ZNF475: variants seen among roughly 807,000 people sequenced by gnomAD.
ZNF475 encodes the protein zinc finger protein 475.
chr5:122,166,666 A>G, the ZNF475 span, among the ~76,000 whole-genome samples: 1 of 152,140 alleles, frequency 6.6e-6, no homozygotes, highest in African/African-American at 2.4e-5. Context: ...AAGGATATGA[A>G]CTCATACTTT....
chr5:122,166,193 G>A, the ZNF475 span, among the ~76,000 whole-genome samples: 4 of 152,162 alleles, frequency 2.6e-5, no homozygotes, highest in African/African-American at 9.7e-5. Flanking sequence ...GTGACACAAG[G>A]GGAGCCTTTC....
the ZNF475 span, chr5:122,162,847 T>C: frequency 4.6e-5 from 7 of 152,136 alleles, no homozygotes; most frequent in South Asian, 8.3e-4. Flanking sequence ...ACTTTTGAGG[T>C]AGTTGGGAGA....
At chr5:122,161,047 G>A in the ZNF475 span, among the ~76,000 whole-genome samples, 20 of 152,306 alleles carry the variant, frequency 1.3e-4, no homozygotes, top group East Asian at 2.9e-3. Flanking sequence ...TCAATGTGAG[G>A]CATAAGTTCA....
chr5:122,169,883 G>A, the ZNF475 span, among the ~76,000 whole-genome samples: 1 of 152,172 alleles, frequency 6.6e-6, no homozygotes, highest in East Asian at 1.9e-4. Context: ...TCAGGTGTGG[G>A]AAACAGCCTA....
At chr5:122,161,408 G>A in the ZNF475 span, among the ~76,000 whole-genome samples, 2 of 152,226 alleles carry the variant, frequency 1.3e-5, no homozygotes, top group Admixed American at 6.5e-5. Context: ...AGTAATTGGA[G>A]GCAGAGAGTA....
At chr5:122,175,769 C>T in the ZNF475 span, among the ~76,000 whole-genome samples, 5 of 152,266 alleles carry the variant, frequency 3.3e-5, no homozygotes, top group Non-Finnish European at 4.4e-5. Flanking sequence ...CTACTGCCTC[C>T]TCTGTAATTT....
chr5:122,164,457 G>A, the ZNF475 span, among the ~76,000 whole-genome samples: 2 of 152,190 alleles, frequency 1.3e-5, no homozygotes, highest in Non-Finnish European at 2.9e-5. Context: ...GGGTAGACCA[G>A]GTGAGATGCT....
the ZNF475 span, among the ~76,000 whole-genome samples, chr5:122,175,109 A>C: frequency 1.3e-5 from 2 of 152,216 alleles, no homozygotes; most frequent in African/African-American, 4.8e-5. Flanking sequence ...AATAGAAAAA[A>C]ATTCCACTTC....
At chr5:122,177,155 C>T in the ZNF475 span, among the ~76,000 whole-genome samples, 1 of 152,168 alleles carries the variant, frequency 6.6e-6, no homozygotes, top group Non-Finnish European at 1.5e-5. Flanking sequence ...TATATGGAAT[C>T]AACCTTGGTG....
the ZNF475 span, among the ~76,000 whole-genome samples, chr5:122,175,997 C>A: frequency 5.6e-4 from 85 of 152,238 alleles, no homozygotes; most frequent in East Asian, 0.014. Context: ...TGGAACTAAC[C>A]TCTCAAAAGT....
At chr5:122,174,707 G>C in the ZNF475 span, among the ~76,000 whole-genome samples, 1 of 152,112 alleles carries the variant, frequency 6.6e-6, no homozygotes, top group Admixed American at 6.5e-5. Context: ...ACGGTGACAC[G>C]AATGTCTTCA....
the ZNF475 span, among the ~76,000 whole-genome samples, chr5:122,165,405 A>G: frequency 1.3e-5 from 2 of 152,196 alleles, no homozygotes; most frequent in Non-Finnish European, 2.9e-5. Flanking sequence ...ATATATGGTC[A>G]GTTCTAGGCC....
chr5:122,172,605 T>C, the ZNF475 span, among the ~76,000 whole-genome samples: 1 of 152,222 alleles, frequency 6.6e-6, no homozygotes, highest in African/African-American at 2.4e-5. Context: ...TCCATAAACA[T>C]TTCTTACCAA....
At chr5:122,176,374 C>T in the ZNF475 span, among the ~76,000 whole-genome samples, 1 of 152,006 alleles carries the variant, frequency 6.6e-6, no homozygotes, top group Non-Finnish European at 1.5e-5. Flanking sequence ...TTTGGCTGGA[C>T]TTATTTATTT....
chr5:122,166,457 T>A, the ZNF475 span, among the ~76,000 whole-genome samples: 1 of 152,166 alleles, frequency 6.6e-6, no homozygotes, highest in Non-Finnish European at 1.5e-5. Flanking sequence ...TAACTCGTCA[T>A]TTATATTAGG....
the ZNF475 span, among the ~76,000 whole-genome samples, chr5:122,176,868 T>G: frequency 6.6e-6 from 1 of 152,230 alleles, no homozygotes; most frequent in South Asian, 2.1e-4. Context: ...CTATTCAATT[T>G]GTTCTCATTG....
At chr5:122,168,855 C>G in the ZNF475 span, among the ~76,000 whole-genome samples, 2 of 151,052 alleles carry the variant, frequency 1.3e-5, no homozygotes, top group African/African-American at 4.9e-5. Flanking sequence ...AGCATAACAC[C>G]TTAACTTGAC....
chr5:122,164,961 G>C, the ZNF475 span, among the ~76,000 whole-genome samples: 3 of 152,108 alleles, frequency 2.0e-5, no homozygotes. Context: ...TAAATAAAGG[G>C]GTTGGACTGA....
the ZNF475 span, among the ~76,000 whole-genome samples, chr5:122,175,197 C>T: frequency 5.9e-5 from 9 of 152,270 alleles, no homozygotes; most frequent in South Asian, 1.9e-3. Flanking sequence ...TCTATGTTAA[C>T]TGTGGATTTA....
Sources: allele counts gnomAD v4.1 joint callset (sites outside exome capture counted in the v4.1 genomes callset), GRCh38; gene constraint gnomAD v4.1.1; transcripts MANE v1.5; gene names NCBI Gene and HGNC (gene_info 2026-07-23, HGNC 2026-07-21).